TXNDC16: variants seen among roughly 807,000 people sequenced by gnomAD.
TXNDC16 encodes the protein thioredoxin domain containing 16, also known as thioredoxin domain-containing protein 16.
In TXNDC16, 74 loss-of-function variants were observed where a neutral mutation model predicts 85.6. The ratio of observed to expected loss-of-function variants is 0.86; its 90% CI spans 0.72 to 1.05. The LOEUF is 1.05. TXNDC16 is among the 50% of genes least tolerant of loss of function. The pLI is 0.00. For missense variants in TXNDC16, 959 were observed against 947.0 expected (o/e 1.01, Z -0.17); for synonymous variants, 335 against 326.5 (o/e 1.03, Z -0.28).
chr14:52,463,194 T>TAAA (rs34848366), intron 16 of TXNDC16, among the ~76,000 whole-genome samples: 55 of 141,980 alleles, frequency 3.9e-4, no homozygotes, highest in Admixed American at 7.0e-4. Flanking sequence ...CCAGTTCAGA[T>TAAA]AAAAAAAAAA....
intron 9 of TXNDC16, among the ~76,000 whole-genome samples, chr14:52,496,532 G>A (rs753441442): frequency 4.0e-5 from 6 of 148,450 alleles, no homozygotes; most frequent in African/African-American, 7.5e-5. Context: ...TGCTATTTCT[G>A]TCTCTTACCA....
At chr14:52,512,993 G>A (rs879456084) in intron 8 of TXNDC16, among the ~76,000 whole-genome samples, 1 of 152,018 alleles carries the variant, frequency 6.6e-6, no homozygotes, top group African/African-American at 2.4e-5. Context: ...GTGGACTGGC[G>A]GGCCCTAGGT....
At chr14:52,454,717 G>C (rs2035491981) in intron 18 of TXNDC16, among the ~76,000 whole-genome samples, 1 of 150,660 alleles carries the variant, frequency 6.6e-6, no homozygotes, top group Non-Finnish European at 1.5e-5. Context: ...TTGGGAGGCT[G>C]AGGCAGGAGA....
chr14:52,514,344 G>A (rs2037028112), intron 8 of TXNDC16, among the ~76,000 whole-genome samples: 1 of 152,104 alleles, frequency 6.6e-6, no homozygotes. Context: ...TTCCTGAAGA[G>A]CATTTTGAAG....
At chr14:52,459,217 A>G (rs908408521) in intron 16 of TXNDC16, among the ~76,000 whole-genome samples, 1 of 152,198 alleles carries the variant, frequency 6.6e-6, no homozygotes, top group African/African-American at 2.4e-5. Context: ...ACACACATAC[A>G]TACATCTGTT....
At chr14:52,519,620 T>G (rs1241096283) in intron 6 of TXNDC16, among the ~76,000 whole-genome samples, 2 of 152,190 alleles carry the variant, frequency 1.3e-5, no homozygotes, top group African/African-American at 2.4e-5. Context: ...ATTTAAGCCC[T>G]TCACAAACCT....
At chr14:52,487,393 C>T (rs1412752549) in intron 12 of TXNDC16, among the ~76,000 whole-genome samples, 1 of 152,046 alleles carries the variant, frequency 6.6e-6, no homozygotes, top group Admixed American at 6.6e-5. Flanking sequence ...AAATTGCTTC[C>T]TTCTTGGAGC....
chr14:52,551,308 T>C (rs920758292), intron 1 of TXNDC16, among the ~76,000 whole-genome samples: 3 of 136,180 alleles, frequency 2.2e-5, no homozygotes, highest in Non-Finnish European at 3.2e-5. Context: ...ACCTCGTCTC[T>C]ACCAAAAAAA....
chr14:52,550,256 T>C (rs543197678), intron 1 of TXNDC16, among the ~76,000 whole-genome samples: 20 of 152,186 alleles, frequency 1.3e-4, no homozygotes, highest in Non-Finnish European at 2.6e-4. Context: ...AAATGGAGTA[T>C]ATAACGCTTA....
At chr14:52,438,619 G>A (rs1037833978) in intron 20 of TXNDC16, among the ~76,000 whole-genome samples, 6 of 152,116 alleles carry the variant, frequency 3.9e-5, no homozygotes, top group Admixed American at 6.6e-5. Flanking sequence ...CAAAAAATTT[G>A]TATGATTTGC....
intron 18 of TXNDC16, among the ~76,000 whole-genome samples, chr14:52,454,743 G>A (rs1202882304): frequency 6.6e-6 from 1 of 151,262 alleles, no homozygotes; most frequent in Non-Finnish European, 1.5e-5. Flanking sequence ...TTGAACCCGG[G>A]AGGCGGAGGT....
chr14:52,515,636 ATTTCT>A (rs2037063658), intron 7 of TXNDC16, among the ~76,000 whole-genome samples: 2 of 138,372 alleles, frequency 1.4e-5, no homozygotes, highest in Non-Finnish European at 1.6e-5. Context: ...TTCTTCTCTT[ATTTCT>A]TTTATCTCAA....
intron 18 of TXNDC16, among the ~76,000 whole-genome samples, chr14:52,446,113 G>A (rs1217402257): frequency 1.3e-5 from 2 of 152,204 alleles, no homozygotes; most frequent in Non-Finnish European, 2.9e-5. Context: ...AAAATCAGGT[G>A]AGTACTCACA....
chr14:52,520,543 G>T (rs1473256954), intron 6 of TXNDC16, among the ~76,000 whole-genome samples: 4 of 152,112 alleles, frequency 2.6e-5, no homozygotes, highest in Admixed American at 6.5e-5. Flanking sequence ...CCGGGAGGAG[G>T]AGTTTGCAGT....
intron 16 of TXNDC16, among the ~76,000 whole-genome samples, chr14:52,465,162 A>G (rs2035743102): frequency 6.6e-6 from 1 of 152,220 alleles, no homozygotes; most frequent in South Asian, 2.1e-4. Flanking sequence ...ATGTGCAAAC[A>G]TAATGCTAGA....
chr14:52,546,621 T>C (rs973113272), intron 1 of TXNDC16, among the ~76,000 whole-genome samples: 1 of 152,244 alleles, frequency 6.6e-6, no homozygotes, highest in African/African-American at 2.4e-5. Flanking sequence ...CCAAATGCTG[T>C]CTATTCTGTG....
At chr14:52,449,898 T>C (rs1002703944) in intron 18 of TXNDC16, among the ~76,000 whole-genome samples, 2 of 151,830 alleles carry the variant, frequency 1.3e-5, no homozygotes, top group African/African-American at 2.4e-5. Context: ...TAAAATTTCT[T>C]GGAAAAAAAC....
intron 1 of TXNDC16, among the ~76,000 whole-genome samples, chr14:52,549,157 T>C (rs1307864659): frequency 6.6e-6 from 1 of 152,234 alleles, no homozygotes; most frequent in Non-Finnish European, 1.5e-5. Flanking sequence ...TTTGATCCTT[T>C]GGGCTGCGAG....
In TXNDC16 at chr14:52,538,109, A is replaced by G. The variant is rs147208894; in HGVS notation, c.244-437T>C. Among the ~76,000 whole-genome samples, 314 of 152,330 alleles carry G rather than the reference A, an allele frequency of 2.1e-3. 4 individuals are homozygous for G. The highest frequency in any genetic ancestry group is 7.2e-3 in the African/African-American group (299 of 41,566). On this transcript the variant is annotated intron_variant, in intron 4 of 20. Coordinates refer to ENST00000281741, the MANE Select transcript of TXNDC16 (RefSeq NM_020784.3). ...TTGCTAAAAGCAAGTGTTTCATTAA[A>G]AGGCTTTCCCAACCTCCCCAACAGC...
Sources: allele counts gnomAD v4.1 joint callset (sites outside exome capture counted in the v4.1 genomes callset), GRCh38; gene constraint gnomAD v4.1.1; transcripts MANE v1.5; gene names NCBI Gene and HGNC (gene_info 2026-07-23, HGNC 2026-07-21).